Variants in VPS13B observed in about 807,000 individuals in gnomAD.
VPS13B encodes the protein vacuolar protein sorting 13 homolog B.
A neutral mutation model predicts 426.4 loss-of-function variants in VPS13B; 285 were observed. The ratio of observed to expected loss-of-function variants is 0.67; its 90% CI spans 0.61 to 0.74. The LOEUF (loss-of-function observed/expected upper bound fraction) is 0.74. Among genes scored for constraint, VPS13B ranks in the 30% least tolerant of loss-of-function variants. The pLI is 0.00. For missense variants in VPS13B, 4,537 were observed against 4,782.6 expected (o/e 0.95, Z 1.51); for synonymous variants, 1,676 against 1,676.4 (o/e 1.00, Z 0.01).
chr8:99,717,209 G>T lies in VPS13B; in HGVS notation c.6493G>T (p.Asp2165Tyr), dbSNP rs763541177. ...LGSSFLLSINDFLLKTSLKER... is the reference protein window; with the variant it reads ...LGSSFLLSINYFLLKTSLKER... ...GTCATCATTTCTACTCAGTATAAAC[G>T]ATTTTCTCCTTAAAACAAGTCTCAA... The change falls in exon 37 of 62, where the codon GAT becomes TAT. Residue 2165 changes from aspartate to tyrosine, a missense_variant. Physicochemically the swap from Asp to Tyr is radical, Grantham distance 160. Coordinates refer to ENST00000357162, the MANE Select transcript of VPS13B (RefSeq NM_152564.5). The T allele has an allele frequency of 2.5e-6, 4 of 1,613,298 alleles. No individual in the cohort carries two copies. Among genetic ancestry groups the T allele is most frequent in the South Asian group, 1.1e-5 (1 of 91,052 alleles).
chr8:99,640,790 C>T (rs187631857), intron 33 of VPS13B, among the ~76,000 whole-genome samples: 5 of 152,164 alleles, frequency 3.3e-5, no homozygotes, highest in Non-Finnish European at 7.4e-5. Flanking sequence ...TCATTACAAC[C>T]ATAAAGGGAT....
chr8:99,202,934 T>C (rs1814433548), intron 17 of VPS13B, among the ~76,000 whole-genome samples: 1 of 151,650 alleles, frequency 6.6e-6, no homozygotes, highest in Non-Finnish European at 1.5e-5. Context: ...CTCTGGACGC[T>C]GAGGCAGGAG....
intron 2 of VPS13B, among the ~76,000 whole-genome samples, chr8:99,016,878 T>C (rs1420207715): frequency 6.6e-6 from 1 of 152,130 alleles, no homozygotes; most frequent in Non-Finnish European, 1.5e-5. Context: ...CATGAGCCAC[T>C]GCGCCCGGCC....
intron 33 of VPS13B, among the ~76,000 whole-genome samples, chr8:99,595,959 A>G (rs1003073236): frequency 3.9e-5 from 6 of 151,980 alleles, no homozygotes; most frequent in Non-Finnish European, 8.8e-5. Flanking sequence ...AGCCACAAGA[A>G]AACACCACAC....
At chr8:99,824,733 C>T (rs1814574698) in intron 51 of VPS13B, among the ~76,000 whole-genome samples, 1 of 151,966 alleles carries the variant, frequency 6.6e-6, no homozygotes, top group Non-Finnish European at 1.5e-5. Flanking sequence ...TCCCTTTCCT[C>T]CCCCTGCGAC....
intron 3 of VPS13B, among the ~76,000 whole-genome samples, chr8:99,044,912 C>A (rs1338873174): frequency 6.7e-6 from 1 of 149,766 alleles, no homozygotes; most frequent in African/African-American, 2.5e-5. Context: ...CCCCCCGCCC[C>A]CACGGTTTCT....
intron 43 of VPS13B, 151 bp downstream of exon 43, chr8:99,784,627 G>C: frequency 9.4e-7 from 1 of 1,064,404 alleles, no homozygotes; most frequent in South Asian, 1.4e-5. Context: ...AGAGTGTTTA[G>C]AGATGGGAGC....
rs200080476 is a variant in VPS13B at position 99,605,408 on chromosome 8, T to TA, written c.5220+27784dup. On this transcript the variant is annotated intron_variant, in intron 33 of 61. Coordinates refer to ENST00000357162, the MANE Select transcript of VPS13B (RefSeq NM_152564.5). ...ATTTTGTGAAATTTGAGCCATTTGG[T>TA]AAAAAAAAATGAGTCTAAACACTCT... Among the ~76,000 whole-genome samples the TA allele has an allele frequency of 4.2e-3, 643 of 151,402 alleles. 4 individuals carry two copies. The highest frequency in any genetic ancestry group is 0.013 in the African/African-American group (556 of 41,338).
intron 2 of VPS13B, among the ~76,000 whole-genome samples, chr8:99,015,678 C>T (rs1841577261): frequency 6.6e-6 from 1 of 151,704 alleles, no homozygotes; most frequent in Admixed American, 6.6e-5. Flanking sequence ...CCAAAGCAGG[C>T]AGATCATGAG....
intron 33 of VPS13B, among the ~76,000 whole-genome samples, chr8:99,590,374 G>C (rs199645759): frequency 3.3e-5 from 5 of 151,882 alleles, no homozygotes; most frequent in African/African-American, 9.7e-5. Context: ...TTGCCTTCTG[G>C]TAGCTTTTGA....
intron 35 of VPS13B, among the ~76,000 whole-genome samples, chr8:99,690,628 T>G (rs1392124566): frequency 6.6e-6 from 1 of 152,020 alleles, no homozygotes; most frequent in Non-Finnish European, 1.5e-5. Flanking sequence ...TCTTATATTT[T>G]ATATCCAAAA....
intron 34 of VPS13B, among the ~76,000 whole-genome samples, chr8:99,643,463 G>A (rs1588580884): frequency 6.6e-6 from 1 of 152,186 alleles, no homozygotes; most frequent in Non-Finnish European, 1.5e-5. Flanking sequence ...GATGGCAGGT[G>A]TGGGAATCAG....
chr8:99,832,274 AAAG>A, intron 51 of VPS13B, 92 bp from the exon 52 acceptor site: 1 of 1,423,536 alleles, frequency 7.0e-7, no homozygotes, highest in Non-Finnish European at 9.2e-7. Flanking sequence ...AAAAAAAAGA[AAAG>A]AAAAGAAGAT....
At chr8:99,228,220 C>T (rs1816122134) in intron 17 of VPS13B, among the ~76,000 whole-genome samples, 1 of 152,060 alleles carries the variant, frequency 6.6e-6, no homozygotes, top group South Asian at 2.1e-4. Flanking sequence ...AAATGCTTTT[C>T]TTATAGAAAC....
intron 17 of VPS13B, among the ~76,000 whole-genome samples, chr8:99,260,340 C>T (rs1817978374): frequency 6.6e-6 from 1 of 152,022 alleles, no homozygotes; most frequent in Admixed American, 6.6e-5. Context: ...TGTGAATCTT[C>T]AGACCTGAGA....
At chr8:99,745,512 T>A (rs1230334789) in intron 39 of VPS13B, among the ~76,000 whole-genome samples, 2 of 152,170 alleles carry the variant, frequency 1.3e-5, no homozygotes, top group Non-Finnish European at 2.9e-5. Flanking sequence ...TGTATATTAA[T>A]CTTTTGCTGA....
intron 15 of VPS13B, among the ~76,000 whole-genome samples, chr8:99,166,622 G>T (rs1431457373): frequency 6.6e-6 from 1 of 152,176 alleles, no homozygotes; most frequent in African/African-American, 2.4e-5. Context: ...TGAATTGGAA[G>T]ACTTAATATT....
At chr8:99,354,363 G>A (rs1812070340) in intron 19 of VPS13B, among the ~76,000 whole-genome samples, 1 of 125,904 alleles carries the variant, frequency 7.9e-6, no homozygotes, top group Non-Finnish European at 1.6e-5. Context: ...AGGATACAAA[G>A]AAATGGGAAA....
chr8:99,783,425 C>A (rs1257796417), intron 42 of VPS13B, among the ~76,000 whole-genome samples: 2 of 152,146 alleles, frequency 1.3e-5, no homozygotes, highest in Admixed American at 6.6e-5. Context: ...ATTTAGCATT[C>A]TTTTAGTTTA....
Sources: gnomAD v4.1 joint callset for allele counts (sites outside exome capture counted in the v4.1 genomes callset) on GRCh38, gnomAD v4.1.1 for gene constraint, MANE v1.5 for transcripts, NCBI Gene and HGNC (gene_info 2026-07-23, HGNC 2026-07-21) for gene names.